The following GALNTL6 variants were observed in gnomAD, a reference collection of about 807,000 sequenced individuals.
GALNTL6 encodes the protein polypeptide N-acetylgalactosaminyltransferase-like 6.
A neutral mutation model predicts 73.7 loss-of-function variants in GALNTL6; 46 were observed. The ratio of observed to expected loss-of-function variants is 0.62; its 90% CI spans 0.49 to 0.80. The LOEUF (loss-of-function observed/expected upper bound fraction) is 0.80, where lower values mean the gene tolerates loss of function less well. GALNTL6 is among the 30% of genes least tolerant of loss of function. The pLI is 0.00. For missense variants in GALNTL6, 604 were observed against 755.0 expected, an observed-to-expected ratio of 0.80 and a Z score of 2.34; for synonymous variants, 259 against 263.7, an observed-to-expected ratio of 0.98 and a Z score of 0.17.
chr4:172,670,209 G>A (rs1471546796), intron 5 of GALNTL6, among the ~76,000 whole-genome samples: 1 of 151,974 alleles, frequency 6.6e-6, no homozygotes, highest in Admixed American at 6.6e-5. Context: ...TCTCATATTG[G>A]GTCTTTAAGG....
intron 10 of GALNTL6, among the ~76,000 whole-genome samples, chr4:172,958,754 G>C (rs1336330278): frequency 1.3e-5 from 2 of 152,202 alleles, no homozygotes; most frequent in Non-Finnish European, 2.9e-5. Flanking sequence ...TACAGCCCAG[G>C]TAATTTGCTG....
At chr4:171,929,078 A>G (rs1038652257) in intron 2 of GALNTL6, among the ~76,000 whole-genome samples, 1 of 151,980 alleles carries the variant, frequency 6.6e-6, no homozygotes, top group Non-Finnish European at 1.5e-5. Flanking sequence ...TATTATTATT[A>G]TTTTTGAGAT....
intron 2 of GALNTL6, among the ~76,000 whole-genome samples, chr4:172,168,746 T>C (rs977860500): frequency 6.6e-6 from 1 of 152,160 alleles, no homozygotes; most frequent in African/African-American, 2.4e-5. Flanking sequence ...AGGATGCCTC[T>C]TATCTTTTAC....
At chr4:172,933,042 A>T (rs1748432207) in intron 9 of GALNTL6, among the ~76,000 whole-genome samples, 1 of 152,232 alleles carries the variant, frequency 6.6e-6, no homozygotes, top group African/African-American at 2.4e-5. Flanking sequence ...AATTTGGGTA[A>T]GGAAATATGG....
At chr4:172,534,820 C>G (rs1479867024) in intron 5 of GALNTL6, among the ~76,000 whole-genome samples, 6 of 152,150 alleles carry the variant, frequency 3.9e-5, no homozygotes, top group Non-Finnish European at 8.8e-5. Context: ...CCCACCTCGG[C>G]CTCCCAAAGT....
At chr4:173,029,366 A>G (rs1230995865) in intron 12 of GALNTL6, among the ~76,000 whole-genome samples, 1 of 152,224 alleles carries the variant, frequency 6.6e-6, no homozygotes, top group Non-Finnish European at 1.5e-5. Context: ...CCTGGTTTTT[A>G]ATCCAATTAA....
At chr4:171,838,185 G>C (rs1180048826) in intron 2 of GALNTL6, among the ~76,000 whole-genome samples, 1 of 151,638 alleles carries the variant, frequency 6.6e-6, no homozygotes, top group Non-Finnish European at 1.5e-5. Flanking sequence ...GTGCAATGGC[G>C]CCATCTCGGC....
At chr4:172,483,063 CAT>C (rs1357647449) in intron 5 of GALNTL6, among the ~76,000 whole-genome samples, 1 of 152,054 alleles carries the variant, frequency 6.6e-6, no homozygotes, top group African/African-American at 2.4e-5. Context: ...GCAAATATTA[CAT>C]ATGTGTTTGT....
intron 11 of GALNTL6, among the ~76,000 whole-genome samples, chr4:173,019,553 ATTC>A (rs1752917672): frequency 6.6e-6 from 1 of 152,234 alleles, no homozygotes; most frequent in East Asian, 1.9e-4. Context: ...TTGAGAAGCC[ATTC>A]TTCTCTGCAG....
chr4:171,961,550 G>A (rs1049158827), intron 2 of GALNTL6, among the ~76,000 whole-genome samples: 6 of 151,976 alleles, frequency 3.9e-5, no homozygotes, highest in African/African-American at 1.5e-4. Flanking sequence ...CAAATAATCA[G>A]GCCAACTATA....
At chr4:171,853,895 A>G (rs532984113) in intron 2 of GALNTL6, among the ~76,000 whole-genome samples, 1 of 152,080 alleles carries the variant, frequency 6.6e-6, no homozygotes, top group East Asian at 1.9e-4. Flanking sequence ...TACAGGCGTG[A>G]GCCACCGCGC....
chr4:172,056,653 G>C (rs1452027705), intron 2 of GALNTL6, among the ~76,000 whole-genome samples: 1 of 151,726 alleles, frequency 6.6e-6, no homozygotes, highest in African/African-American at 2.4e-5. Flanking sequence ...AATTCATCAA[G>C]CAAAGAAAAA....
chr4:172,826,136 C>T (rs1038264878), intron 7 of GALNTL6, among the ~76,000 whole-genome samples: 2 of 151,872 alleles, frequency 1.3e-5, no homozygotes, highest in African/African-American at 4.8e-5. Context: ...CATTTGGGCC[C>T]AGGACAAGAG....
chr4:172,820,573 G>A (rs545213204), intron 7 of GALNTL6, among the ~76,000 whole-genome samples: 1 of 152,180 alleles, frequency 6.6e-6, no homozygotes, highest in South Asian at 2.1e-4. Context: ...AACTTTGGGG[G>A]TTTTCTCCAC....
intron 7 of GALNTL6, 129 bp downstream of exon 7, chr4:172,813,852 C>T (rs1741454353): frequency 3.1e-6 from 2 of 652,224 alleles, no homozygotes; most frequent in Non-Finnish European, 5.0e-6. Context: ...ATATGCAAAA[C>T]ATCACAGAAA....
intron 2 of GALNTL6, among the ~76,000 whole-genome samples, chr4:172,095,524 C>T (rs934963803): frequency 1.1e-4 from 16 of 152,120 alleles, no homozygotes; most frequent in Non-Finnish European, 1.0e-4. Context: ...TATATATTTG[C>T]GTGTGTGTTT....
intron 4 of GALNTL6, among the ~76,000 whole-genome samples, chr4:172,312,222 A>T (rs1360354707): frequency 2.0e-5 from 3 of 152,146 alleles, no homozygotes; most frequent in Non-Finnish European, 2.9e-5. Context: ...ATAAGTAGTG[A>T]TTGCTGGTTC....
chr4:172,059,635 GA>G (rs573889024), intron 2 of GALNTL6, among the ~76,000 whole-genome samples: 187 of 152,068 alleles, frequency 1.2e-3, no homozygotes, highest in Non-Finnish European at 2.2e-3. Flanking sequence ...TTTTGGAGCT[GA>G]AAAAAAGTCA....
chr4:172,273,762 C>A (rs895921928), intron 3 of GALNTL6, among the ~76,000 whole-genome samples: 1 of 152,044 alleles, frequency 6.6e-6, no homozygotes, highest in Non-Finnish European at 1.5e-5. Context: ...CTAGTGGGAC[C>A]GAAGGGTGGA....
Sources: gnomAD v4.1 joint callset for allele counts (sites outside exome capture counted in the v4.1 genomes callset) on GRCh38, gnomAD v4.1.1 for gene constraint, MANE v1.5 for transcripts, NCBI Gene and HGNC (gene_info 2026-07-23, HGNC 2026-07-21) for gene names.